Variants in GRAMD4 observed in about 807,000 individuals in gnomAD.
The protein encoded by GRAMD4 is GRAM domain-containing protein 4.
A neutral mutation model predicts 83.9 loss-of-function variants in GRAMD4; 25 were observed. The ratio of observed to expected loss-of-function variants is 0.30; its 90% confidence interval spans 0.22 to 0.42. GRAMD4 has a LOEUF of 0.42. GRAMD4 is among the 10% of genes least tolerant of loss of function. The pLI is 1.00. For synonymous variants in GRAMD4, 336 were observed against 320.9 expected, an observed-to-expected ratio of 1.05 and a Z score of -0.50; for missense variants, 593 against 788.7, an observed-to-expected ratio of 0.75 and a Z score of 2.97.
In GRAMD4 at chr22:46,678,197, G is replaced by C; in HGVS notation, c.*946G>C. 1 of 985,328 alleles carries C rather than the reference G, an allele frequency of 1.0e-6. No homozygotes were observed. Among genetic ancestry groups the C allele is most frequent in the Non-Finnish European group, 1.2e-6 (1 of 829,804 alleles). 61.0% of individuals were successfully genotyped at this position (985,328 alleles called of 1,614,324 possible). On this transcript the variant is annotated 3_prime_UTR_variant, in exon 19 of 19. Coordinates refer to ENST00000406902, the MANE Select transcript of GRAMD4 (RefSeq NM_015124.5). ...TTGCCTGGGTTGGTTGGGGGAGGAAGTGGGGAGGAGTGTTCCGGGACCATG... is the reference window on the plus strand; with the variant it reads ...TTGCCTGGGTTGGTTGGGGGAGGAACTGGGGAGGAGTGTTCCGGGACCATG...
At chr22:46,655,077 G>T (rs921039885) in intron 3 of GRAMD4, among the ~76,000 whole-genome samples, 8 of 152,212 alleles carry the variant, frequency 5.3e-5, no homozygotes, top group Non-Finnish European at 1.0e-4. Context: ...GAGGCTGAGG[G>T]ACAGCTTACC....
At chr22:46,582,206 G>A (rs1162038565) in intron 1 of GRAMD4, among the ~76,000 whole-genome samples, 5 of 152,304 alleles carry the variant, frequency 3.3e-5, no homozygotes, top group African/African-American at 7.2e-5. Flanking sequence ...CTGGGAAACC[G>A]TGAAGCTTTG....
chr22:46,651,650 C>G lies in GRAMD4; in HGVS notation c.284-6537C>G, dbSNP rs112062211. Among the ~76,000 whole-genome samples, 466 of 152,328 alleles carry G rather than the reference C, an allele frequency of 3.1e-3. 3 individuals are homozygous for G. The highest frequency in any genetic ancestry group is 0.011 in the African/African-American group (441 of 41,560). On this transcript the variant is annotated intron_variant, in intron 3 of 18. Coordinates refer to ENST00000406902, the MANE Select transcript of GRAMD4 (RefSeq NM_015124.5). ...GCAGGGGGTCTTGGGAGAGCAGGTG[C>G]CCCGTGCTGCCATTAGGATGCGCTG...
chr22:46,588,450 C>T (rs112893176), intron 1 of GRAMD4, among the ~76,000 whole-genome samples: 3 of 152,136 alleles, frequency 2.0e-5, no homozygotes, highest in Non-Finnish European at 1.5e-5. Flanking sequence ...CCTCCCCGGG[C>T]GAGTGCTGTT....
At chr22:46,636,496 G>A (rs759495194) in intron 2 of GRAMD4, among the ~76,000 whole-genome samples, 20 of 152,240 alleles carry the variant, frequency 1.3e-4, no homozygotes, top group Admixed American at 8.5e-4. Context: ...GCTGGTTCCC[G>A]AAGCCAGCGC....
At chr22:46,674,603 C>T in intron 15 of GRAMD4, 54 bp from the exon 16 acceptor site, 1 of 1,227,560 alleles carries the variant, frequency 8.1e-7, no homozygotes, top group South Asian at 1.2e-5. Context: ...AGCGTCAGGT[C>T]AGAGGCTGGG....
At chr22:46,674,032 C>T (rs754970029) in intron 15 of GRAMD4, among the ~76,000 whole-genome samples, 4 of 152,198 alleles carry the variant, frequency 2.6e-5, no homozygotes, top group African/African-American at 9.7e-5. Context: ...TGGGGAGAGC[C>T]GCCCACGCTG....
intron 1 of GRAMD4, among the ~76,000 whole-genome samples, chr22:46,612,744 A>G (rs2081430276): frequency 6.6e-6 from 1 of 152,222 alleles, no homozygotes; most frequent in African/African-American, 2.4e-5. Context: ...TGGATCACGG[A>G]TGGGAGCAGA....
At chr22:46,682,520 C>T (rs866643726), downstream of GRAMD4, 8 of 835,392 alleles carry the variant, frequency 9.6e-6, no homozygotes, top group Admixed American at 3.7e-4. Flanking sequence ...CCAGAACCCT[C>T]GGGACTGCGA....
chr22:46,682,431 T>G (rs1003363658), downstream of GRAMD4: 13 of 984,956 alleles, frequency 1.3e-5, no homozygotes, highest in African/African-American at 2.1e-4. Context: ...ATCATAGGAG[T>G]GTGGAAGCTG....
intron 3 of GRAMD4, among the ~76,000 whole-genome samples, chr22:46,647,669 G>A (rs71313063): frequency 0.089 from 13,510 of 152,300 alleles, 789 homozygotes; most frequent in African/African-American, 0.16. Flanking sequence ...GAAGTGTTAA[G>A]TCGGGAACCA....
chr22:46,666,775 C>G (rs1429553428), intron 9 of GRAMD4, 50 bp from the exon 10 acceptor site: 1 of 1,528,992 alleles, frequency 6.5e-7, no homozygotes, highest in Non-Finnish European at 9.1e-7. Flanking sequence ...ATGCCTTCCC[C>G]TGACTCAGGT....
intron 2 of GRAMD4, among the ~76,000 whole-genome samples, chr22:46,633,999 A>G (rs8138239): frequency 0.011 from 1,654 of 152,180 alleles, 25 homozygotes; most frequent in African/African-American, 0.038. Flanking sequence ...GGCCTGTCTC[A>G]CCCCCGGGTG....
chr22:46,585,304 C>T (rs2081138520), intron 1 of GRAMD4, among the ~76,000 whole-genome samples: 1 of 151,984 alleles, frequency 6.6e-6, no homozygotes, highest in African/African-American at 2.4e-5. Context: ...GATTCTCCTG[C>T]CTCAGCCTCC....
At position 46,626,936 on chromosome 22, in the gene GRAMD4, G is replaced by A. The variant is rs775569904; in HGVS notation, c.137G>A (p.Arg46Gln). Reference sequence around the variant, plus strand: ...CTGAAGGTACCGCGGACCTCGCCCCGGGACAGCGAGGAGCTGAGGGACCCT... The same window carrying A: ...CTGAAGGTACCGCGGACCTCGCCCCAGGACAGCGAGGAGCTGAGGGACCCT... ...IPLKVPRTSP[R>Q]DSEELRDPAG... is the part of the protein sequence containing the mutation. The change falls in exon 2 of 19, where the codon CGG (arginine) becomes CAG (glutamine). Residue 46 changes from arginine (R) to glutamine (Q), a missense_variant. Physicochemically the swap from Arg to Gln is conservative, Grantham distance 43. Around this residue, in one of 4 missense-constraint regions of GRAMD4, gnomAD observed 312 missense variants for 350.7 expected, o/e 0.89. Transcript: ENST00000406902. 3.7e-6 allele frequency: 6 copies of A among 1,613,606 alleles called. No individual in the cohort carries two copies. The highest frequency in any genetic ancestry group is 2.2e-5 in the East Asian group (1 of 44,882).
At chr22:46,595,983 G>C (rs2081258533) in intron 1 of GRAMD4, among the ~76,000 whole-genome samples, 1 of 152,064 alleles carries the variant, frequency 6.6e-6, no homozygotes, top group Non-Finnish European at 1.5e-5. Flanking sequence ...ATCCTGGTGG[G>C]ACAAGCACCC....
rs146926679 is a variant in GRAMD4, at chr22:46,592,725, C to T, written c.-50+15435C>T. Among the ~76,000 whole-genome samples, 1,355 of 152,246 alleles carry T rather than the reference C, an allele frequency of 8.9e-3. 13 individuals are homozygous for T. The highest frequency in any genetic ancestry group is 0.016 in the Non-Finnish European group (1,083 of 68,012). On this transcript the variant is annotated intron_variant, in intron 1 of 1. Transcript: ENST00000431155. ...CAAGGGGCTTTAAAAACCCCAGTGT[C>T]GGCTGATTTGTTGGCTGACACCGCG... is the stretch of plus-strand genomic sequence containing the variant.
At chr22:46,680,857 C>CTTT (rs2082666367), downstream of GRAMD4, among the ~76,000 whole-genome samples, 1 of 34,052 alleles carries the variant, frequency 2.9e-5, no homozygotes, top group East Asian at 7.3e-4. Flanking sequence ...CATCTTTCCA[C>CTTT]CCACCCACCC....
rs2082636102 is a variant in GRAMD4, at chr22:46,678,813, G to A, written c.*1562G>A. ...TTCACGAGGGGCCGCAGAGTCACACGCTGGTGCCGGGGGTGCTTTGGGGGG... is the reference window on the plus strand; with the variant it reads ...TTCACGAGGGGCCGCAGAGTCACACACTGGTGCCGGGGGTGCTTTGGGGGG... On this transcript the variant is annotated 3_prime_UTR_variant, in exon 19 of 19. Transcript: ENST00000406902. The A allele has an allele frequency of 3.0e-6, 3 of 986,154 alleles. No homozygotes were observed. Among genetic ancestry groups the A allele is most frequent in the Non-Finnish European group, 3.6e-6 (3 of 830,096 alleles). The allele number at this position is 986,154 out of a possible 1,614,324, so 61.1% of individuals were successfully genotyped here. A position where few individuals can be genotyped will look rare whatever the true frequency, so the allele number is the denominator to read the frequency against.
Sources: gnomAD v4.1 joint callset for allele counts (sites outside exome capture counted in the v4.1 genomes callset) on GRCh38, gnomAD v4.1.1 for gene constraint, gnomAD v4.1.1 regional missense constraint, MANE v1.5 for transcripts, NCBI Gene and HGNC (gene_info 2026-07-23, HGNC 2026-07-21) for gene names.